Variants in ACSS3 observed in about 807,000 individuals in gnomAD.
The protein encoded by ACSS3 is acyl-CoA synthetase short-chain family member 3, mitochondrial.
Under a neutral mutation model 84.2 loss-of-function variants are expected in ACSS3, and 64 were observed. The observed-to-expected ratio is 0.76, with a 90% CI of 0.62 to 0.94. The LOEUF is 0.94. Ranked by LOEUF, ACSS3 falls within the 40% of genes least tolerant of loss-of-function variation. ACSS3 has a pLI of 0.00. For synonymous variants in ACSS3, 317 were observed against 310.1 expected, an observed-to-expected ratio of 1.02 and a Z score of -0.23; for missense variants, 815 against 867.6, an observed-to-expected ratio of 0.94 and a Z score of 0.76.
chr12:81,199,216 G>A (rs1166514487), intron 8 of ACSS3, 125 bp from the exon 9 acceptor site: 1 of 755,954 alleles, frequency 1.3e-6, no homozygotes. Flanking sequence ...ACAGTGTGAT[G>A]TATTGGTTAT....
chr12:81,203,589 A>G (rs968924023), intron 9 of ACSS3, among the ~76,000 whole-genome samples: 1 of 152,224 alleles, frequency 6.6e-6, no homozygotes, highest in Non-Finnish European at 1.5e-5. Context: ...AATCTGTAGA[A>G]AATACAAGAA....
intron 1 of ACSS3, among the ~76,000 whole-genome samples, chr12:81,105,026 T>C (rs1375717493): frequency 6.6e-6 from 1 of 152,052 alleles, no homozygotes. Context: ...CGAGATGTAA[T>C]ATAAGACCCG....
intron 8 of ACSS3, among the ~76,000 whole-genome samples, chr12:81,190,346 C>T (rs2031501575): frequency 6.6e-6 from 1 of 151,968 alleles, no homozygotes; most frequent in Non-Finnish European, 1.5e-5. Context: ...GAAAATCTTG[C>T]ATATCTTTTT....
At chr12:81,223,276 G>A (rs1244012014) in intron 11 of ACSS3, among the ~76,000 whole-genome samples, 2 of 152,012 alleles carry the variant, frequency 1.3e-5, no homozygotes, top group African/African-American at 4.8e-5. Context: ...GGGGTGCAAG[G>A]GAGTTGTATG....
chr12:81,213,902 G>T (rs113572286), intron 9 of ACSS3, among the ~76,000 whole-genome samples: 5,580 of 20,872 alleles, frequency 0.27, 565 homozygotes, highest in African/African-American at 0.41. Flanking sequence ...TCTTTCTTTT[G>T]TCCTTCCTTC....
chr12:81,086,863 G>A (rs1881348620), intron 1 of ACSS3, among the ~76,000 whole-genome samples: 1 of 152,056 alleles, frequency 6.6e-6, no homozygotes. Flanking sequence ...TTATATATAT[G>A]AATGTAATAA....
intron 1 of ACSS3, among the ~76,000 whole-genome samples, chr12:81,107,511 C>CATATATATATATATATAT (rs566270568): frequency 2.6e-5 from 1 of 38,826 alleles, no homozygotes; most frequent in African/African-American, 8.5e-5. Context: ...CAAATATATA[C>CATATATATATATATATAT]ATATATATAT....
chr12:81,236,861 AG>A (rs1171362315), intron 13 of ACSS3, among the ~76,000 whole-genome samples: 1 of 151,162 alleles, frequency 6.6e-6, no homozygotes, highest in Non-Finnish European at 1.5e-5. Context: ...CATCTTTGAC[AG>A]TTTTTTTTAT....
chr12:81,131,301 G>C (rs1022399513), intron 2 of ACSS3, among the ~76,000 whole-genome samples: 6 of 151,884 alleles, frequency 4.0e-5, no homozygotes, highest in African/African-American at 1.5e-4. Flanking sequence ...CTTTTATTTT[G>C]TTGAGCAGTG....
In ACSS3 at chr12:81,152,031, G is replaced by T; in HGVS notation, c.1033G>T (p.Val345Phe). The T allele has an allele frequency of 6.2e-7, 1 of 1,613,510 alleles. No homozygotes were observed. Among genetic ancestry groups the T allele is most frequent in the Non-Finnish European group, 8.5e-7 (1 of 1,179,786 alleles). ...GTGGGCAGCTTCTGACTTAGGCTGG[G>T]TTGTTGGACATTCCTATATCTGCTA... ...VWWAASDLGW[V>F]VGHSYICYGP... Residue 345 changes from valine to phenylalanine, a missense_variant, in exon 7 of 16, where the codon GTT (valine) becomes TTT (phenylalanine). By Grantham distance (50) the Val-to-Phe change is conservative (BLOSUM62 -1). Coordinates refer to ENST00000548058, the MANE Select transcript of ACSS3 (RefSeq NM_024560.4).
intron 13 of ACSS3, among the ~76,000 whole-genome samples, chr12:81,237,327 C>T (rs971609656): frequency 6.6e-6 from 1 of 151,484 alleles, no homozygotes; most frequent in African/African-American, 2.4e-5. Flanking sequence ...TTAGGCAAAT[C>T]ACTATAGGTC....
At chr12:81,233,246 ACAGTAAATCCATTT>A in intron 12 of ACSS3, 89 bp from the exon 13 acceptor site, 1 of 1,330,634 alleles carries the variant, frequency 7.5e-7, no homozygotes, top group Non-Finnish European at 1.0e-6. Context: ...GCAAATGTTC[ACAGTAAATCCATTT>A]CTATTACATT....
intron 11 of ACSS3, among the ~76,000 whole-genome samples, chr12:81,223,058 T>G (rs1031874560): frequency 1.3e-5 from 2 of 151,962 alleles, no homozygotes; most frequent in African/African-American, 4.8e-5. Flanking sequence ...AAACTATGAG[T>G]CAGTAATTTC....
intron 2 of ACSS3, among the ~76,000 whole-genome samples, chr12:81,128,245 A>G (rs1885244167): frequency 6.6e-6 from 1 of 151,646 alleles, no homozygotes; most frequent in Non-Finnish European, 1.5e-5. Flanking sequence ...TTATTTTTGT[A>G]CCTGTAGACT....
At chr12:81,187,334 A>G (rs1052778368) in intron 8 of ACSS3, among the ~76,000 whole-genome samples, 2 of 151,816 alleles carry the variant, frequency 1.3e-5, no homozygotes, top group Non-Finnish European at 3.0e-5. Context: ...AGCAACCACC[A>G]TTATTAAAAT....
intron 13 of ACSS3, 56 bp downstream of exon 13, chr12:81,233,527 T>C (rs1343402682): frequency 6.3e-7 from 1 of 1,589,990 alleles, no homozygotes; most frequent in African/African-American, 1.4e-5. Context: ...AGAGCTGCAC[T>C]GAAGACAATA....
chr12:81,099,666 A>T (rs1242020930), intron 1 of ACSS3, among the ~76,000 whole-genome samples: 1 of 152,226 alleles, frequency 6.6e-6, no homozygotes, highest in East Asian at 1.9e-4. Context: ...TTGCAGATTA[A>T]AAGCTGTCCG....
chr12:81,252,958 G>GCATACAGTATACAGTA (rs2034197724), intron 13 of ACSS3, among the ~76,000 whole-genome samples: 2 of 152,262 alleles, frequency 1.3e-5, no homozygotes, highest in South Asian at 4.2e-4. Context: ...GTTTACAGAG[G>GCATACAGTATACAGTA]TTTGTTTACA....
intron 7 of ACSS3, among the ~76,000 whole-genome samples, chr12:81,155,713 C>A (rs1270589617): frequency 6.6e-6 from 1 of 152,206 alleles, no homozygotes; most frequent in African/African-American, 2.4e-5. Context: ...GGCTGATATT[C>A]AGCTCATGCA....
Sources: allele counts gnomAD v4.1 joint callset (sites outside exome capture counted in the v4.1 genomes callset), GRCh38; gene constraint gnomAD v4.1.1; transcripts MANE v1.5; gene names NCBI Gene and HGNC (gene_info 2026-07-23, HGNC 2026-07-21).